SIPA1L2: variants seen among roughly 807,000 people sequenced by gnomAD.
The protein encoded by SIPA1L2 is signal induced proliferation associated 1 like 2, also known as signal-induced proliferation-associated 1-like protein 2.
Under a neutral mutation model 163.9 loss-of-function variants are expected in SIPA1L2, and 56 were observed. That is an observed-to-expected ratio of 0.34 (90% CI 0.28 to 0.43). The LOEUF (loss-of-function observed/expected upper bound fraction) is 0.43. SIPA1L2 is among the 20% of genes least tolerant of loss of function. The pLI, the probability that SIPA1L2 is intolerant of heterozygous loss-of-function variation, is 1.00. For missense variants in SIPA1L2, 1,974 were observed against 2,193.5 expected, an observed-to-expected ratio of 0.90 and a Z score of 2.00; for synonymous variants, 877 against 865.7, an observed-to-expected ratio of 1.01 and a Z score of -0.23.
chr1:232,441,450 T>A, intron 13 of SIPA1L2, 56 bp from the exon 14 acceptor site: 1 of 1,395,582 alleles, frequency 7.2e-7, no homozygotes, highest in South Asian at 1.2e-5. Context: ...ACCAAAAGAG[T>A]AAAGAAAACC....
intron 2 of SIPA1L2, among the ~76,000 whole-genome samples, chr1:232,519,377 T>C (rs1243531696): frequency 6.6e-6 from 1 of 152,152 alleles, no homozygotes; most frequent in East Asian, 1.9e-4. Context: ...CCATTTTCTG[T>C]AGGTGGCATG....
intron 19 of SIPA1L2, among the ~76,000 whole-genome samples, chr1:232,405,655 A>G (rs773224991): frequency 1.6e-4 from 25 of 152,284 alleles, no homozygotes; most frequent in Non-Finnish European, 2.9e-4. Context: ...AATCTTTAGG[A>G]GATATATTTT....
chr1:232,469,849 A>C (rs1006390753), intron 8 of SIPA1L2, among the ~76,000 whole-genome samples: 7 of 150,264 alleles, frequency 4.7e-5, no homozygotes, highest in African/African-American at 1.7e-4. Flanking sequence ...TTTTTAATTA[A>C]ACAGAGTTGT....
chr1:232,542,083 G>A (rs190233584), intron 2 of SIPA1L2, among the ~76,000 whole-genome samples: 21 of 152,288 alleles, frequency 1.4e-4, no homozygotes, highest in African/African-American at 5.1e-4. Flanking sequence ...TGTAGTGAAT[G>A]ATGTAATGAT....
chr1:232,563,996 T>TGTGTGA (rs1245497557), intron 2 of SIPA1L2, among the ~76,000 whole-genome samples: 3 of 108,632 alleles, frequency 2.8e-5, no homozygotes, highest in South Asian at 3.0e-4. Flanking sequence ...TGTGTGTGTG[T>TGTGTGA]GATGGAGTTT....
intron 8 of SIPA1L2, among the ~76,000 whole-genome samples, chr1:232,466,289 T>C (rs960950955): frequency 1.3e-5 from 2 of 152,326 alleles, no homozygotes; most frequent in Non-Finnish European, 2.9e-5. Context: ...TCACTTTACT[T>C]GATCACATTT....
intron 2 of SIPA1L2, among the ~76,000 whole-genome samples, chr1:232,540,910 C>A (rs527444568): frequency 6.6e-6 from 1 of 152,154 alleles, no homozygotes; most frequent in South Asian, 2.1e-4. Context: ...AGGAATATAT[C>A]TATCATAATA....
At position 232,570,544 on chromosome 1, in the gene SIPA1L2, T is replaced by C. The variant is rs118181455; in HGVS notation, c.-270+3630A>G. 2.1e-3 allele frequency among the ~76,000 whole-genome samples: 325 copies of C among 152,310 alleles called. 13 individuals are homozygous for C. In the East Asian group the frequency reaches 0.054, roughly 25 times the overall value. On this transcript the variant is annotated intron_variant, in intron 2 of 22. Coordinates refer to ENST00000674635, the MANE Select transcript of SIPA1L2 (RefSeq NM_020808.5). Reference sequence around the variant, plus strand: ...TTCATACTTTTTATCAACAGATATGTTGTACAGATTTGTGATGTCCCCTTT... The same window carrying C: ...TTCATACTTTTTATCAACAGATATGCTGTACAGATTTGTGATGTCCCCTTT...
rs1667181135 is a variant in SIPA1L2 at position 232,515,478 on chromosome 1, A to G, written c.-139T>C. On this transcript the variant is annotated 5_prime_UTR_variant, in exon 3 of 23. Coordinates refer to ENST00000674635, the MANE Select transcript of SIPA1L2 (RefSeq NM_020808.5). ...ATTTTTTCTTTTCTTAGCCCAAAGC[A>G]AACAACATCCTCAGAATACAGTTTC... is the stretch of plus-strand genomic sequence containing the variant. 3.5e-6 allele frequency: 3 copies of G among 851,594 alleles called. No individual in the cohort carries two copies. The South Asian group carries it at 6.2e-5, about 18-fold the overall frequency. The allele number at this position is 851,594 out of a possible 1,614,324, so 52.8% of individuals were successfully genotyped here. A position where few individuals can be genotyped will look rare whatever the true frequency, so the allele number is the denominator to read the frequency against.
chr1:232,559,844 A>G (rs1573082442), intron 2 of SIPA1L2, among the ~76,000 whole-genome samples: 1 of 152,234 alleles, frequency 6.6e-6, no homozygotes, highest in Non-Finnish European at 1.5e-5. Context: ...AAATTGCTCT[A>G]TTGTTAGAGT....
chr1:232,539,358 C>T (rs1043601083), intron 2 of SIPA1L2, among the ~76,000 whole-genome samples: 1 of 152,196 alleles, frequency 6.6e-6, no homozygotes, highest in African/African-American at 2.4e-5. Flanking sequence ...AAAGGTCAAA[C>T]GAGAACACTC....
chr1:232,599,690 C>T (rs1661490545), intron 1 of SIPA1L2, among the ~76,000 whole-genome samples: 1 of 152,118 alleles, frequency 6.6e-6, no homozygotes, highest in Non-Finnish European at 1.5e-5. Flanking sequence ...CTTCCTACTC[C>T]CCTGCTGTAG....
At chr1:232,600,134 G>C (rs943657411) in intron 1 of SIPA1L2, among the ~76,000 whole-genome samples, 1 of 152,148 alleles carries the variant, frequency 6.6e-6, no homozygotes, top group Non-Finnish European at 1.5e-5. Flanking sequence ...GTGCTTTTTG[G>C]GGATGCTTGA....
chr1:232,447,187 T>C (rs1438992159), intron 10 of SIPA1L2, among the ~76,000 whole-genome samples: 1 of 152,254 alleles, frequency 6.6e-6, no homozygotes, highest in African/African-American at 2.4e-5. Context: ...TGATAGTATT[T>C]TGGAGATATA....
chr1:232,606,153 T>G (rs980684783), intron 1 of SIPA1L2, among the ~76,000 whole-genome samples: 1 of 152,258 alleles, frequency 6.6e-6, no homozygotes, highest in Non-Finnish European at 1.5e-5. Flanking sequence ...GAGTTGCTAT[T>G]CAAACATAAT....
chr1:232,509,008 C>T (rs1043306827), intron 3 of SIPA1L2, among the ~76,000 whole-genome samples: 3 of 152,212 alleles, frequency 2.0e-5, no homozygotes, highest in Non-Finnish European at 4.4e-5. Context: ...AGGAGAATTG[C>T]TTGAACCCGG....
At chr1:232,511,684 A>G (rs1025543417) in intron 3 of SIPA1L2, among the ~76,000 whole-genome samples, 1 of 145,600 alleles carries the variant, frequency 6.9e-6, no homozygotes, top group African/African-American at 2.5e-5. Context: ...AACCCACTCC[A>G]ATAAAACAAA....
intron 2 of SIPA1L2, among the ~76,000 whole-genome samples, chr1:232,534,346 AT>A (rs1355375617): frequency 6.6e-6 from 1 of 152,214 alleles, no homozygotes; most frequent in Non-Finnish European, 1.5e-5. Flanking sequence ...ATACAAAAGC[AT>A]GATGTTGGAC....
intron 2 of SIPA1L2, among the ~76,000 whole-genome samples, chr1:232,528,027 A>G (rs1667795656): frequency 6.8e-6 from 1 of 147,310 alleles, no homozygotes; most frequent in Non-Finnish European, 1.5e-5. Context: ...TCTGAGACAA[A>G]CAGAACACCC....
Sources: gnomAD v4.1 joint callset for allele counts (sites outside exome capture counted in the v4.1 genomes callset) on GRCh38, gnomAD v4.1.1 for gene constraint, MANE v1.5 for transcripts, NCBI Gene and HGNC (gene_info 2026-07-23, HGNC 2026-07-21) for gene names.